Variants in DPF3 observed in about 807,000 individuals in gnomAD.
DPF3 encodes double PHD fingers 3.
A neutral mutation model predicts 56.8 loss-of-function variants in DPF3; 18 were observed. That is an observed-to-expected ratio of 0.32 (90% CI 0.22 to 0.47). The LOEUF (loss-of-function observed/expected upper bound fraction) is 0.47. DPF3 is among the 20% of genes least tolerant of loss of function. DPF3 has a pLI of 1.00. For synonymous variants in DPF3, 188 were observed against 180.2 expected (o/e 1.04, Z -0.35); for missense variants, 403 against 488.8 (o/e 0.82, Z 1.65).
At chr14:72,785,269 C>G (rs1410352002) in intron 1 of DPF3, among the ~76,000 whole-genome samples, 3 of 152,224 alleles carry the variant, frequency 2.0e-5, no homozygotes, top group African/African-American at 4.8e-5. Context: ...AGGCACTGTT[C>G]TAAGCACTTT....
chr14:72,838,816 TAA>T (rs1884415053), intron 1 of DPF3, among the ~76,000 whole-genome samples: 1 of 150,540 alleles, frequency 6.6e-6, no homozygotes. Context: ...AGCCAAAACT[TAA>T]GACACAGAAC....
At chr14:72,750,562 T>C (rs1890521421) in intron 3 of DPF3, among the ~76,000 whole-genome samples, 1 of 152,066 alleles carries the variant, frequency 6.6e-6, no homozygotes, top group Non-Finnish European at 1.5e-5. Flanking sequence ...TTGGAAAATT[T>C]AGAAACAAAA....
intron 4 of DPF3, among the ~76,000 whole-genome samples, chr14:72,724,948 C>T (rs1889335702): frequency 6.6e-6 from 1 of 152,032 alleles, no homozygotes; most frequent in African/African-American, 2.4e-5. Context: ...TCAAGTGATC[C>T]TCCCACCCCA....
chr14:72,786,788 A>T (rs1173258775), intron 1 of DPF3, among the ~76,000 whole-genome samples: 3 of 152,258 alleles, frequency 2.0e-5, no homozygotes, highest in Non-Finnish European at 1.5e-5. Context: ...AACAAGCACT[A>T]GCTCACCCTA....
intron 8 of DPF3, among the ~76,000 whole-genome samples, chr14:72,663,917 C>G (rs1156901922): frequency 6.6e-6 from 1 of 152,138 alleles, no homozygotes; most frequent in Non-Finnish European, 1.5e-5. Flanking sequence ...ATTAGATGCT[C>G]TTCCAAAGCT....
rs1226339873 is a variant in DPF3 at position 72,674,230 on chromosome 14, C to T, written c.871+10G>A. ...TACGGGCACCCGGTGTGGGAAGGGGCCACACTCACCAGAGCGTCCACAGTC... is the reference window on the plus strand; with the variant it reads ...TACGGGCACCCGGTGTGGGAAGGGGTCACACTCACCAGAGCGTCCACAGTC... On this transcript the variant is annotated intron_variant, in intron 8 of 10. Coordinates refer to ENST00000556509, the MANE Select transcript of DPF3 (RefSeq NM_001280542.3). 6.2e-7 allele frequency: 1 copy of T among 1,610,596 alleles called. No individual in the cohort carries two copies. Among genetic ancestry groups the T allele is most frequent in the Non-Finnish European group, 8.5e-7 (1 of 1,178,476 alleles).
intron 1 of DPF3, among the ~76,000 whole-genome samples, chr14:72,793,197 C>A (rs933771851): frequency 1.3e-5 from 2 of 152,188 alleles, no homozygotes; most frequent in Non-Finnish European, 2.9e-5. Flanking sequence ...TGAAGGAGAT[C>A]TGGAAAGAAA....
At chr14:72,785,543 TGAACACTTCCTTTCTTGGAGGCACTA>T (rs1431242034) in intron 1 of DPF3, among the ~76,000 whole-genome samples, 2 of 152,346 alleles carry the variant, frequency 1.3e-5, no homozygotes, top group African/African-American at 2.4e-5. Flanking sequence ...TAGAATAACC[TGAACACTTCCTTTCTTGGAGGCACTA>T]GAACACTTCC....
intron 1 of DPF3, among the ~76,000 whole-genome samples, chr14:72,819,304 A>C (rs1883426694): frequency 6.6e-6 from 1 of 152,226 alleles, no homozygotes; most frequent in Admixed American, 6.5e-5. Flanking sequence ...TTATTCTAAA[A>C]ACATGCATTT....
At position 72,661,854 on chromosome 14, in the gene DPF3, CTTTTTTTTTT is replaced by C. The variant is rs60114618; in HGVS notation, c.871+12376_871+12385del. ...ACCTCAGCTGATGCTTTTATTTTTG[CTTTTTTTTTT>C]TTTTTTTTTTTGCTGCATTATTTTA... On this transcript the variant is annotated intron_variant, in intron 8 of 10. Transcript: ENST00000556509. The C allele has an allele frequency of 1.3e-5, 12 of 925,876 alleles. No individual in the cohort carries two copies. In the African/African-American group the frequency reaches 2.4e-4, roughly 19 times the overall value. The allele number at this position is 925,876 out of a possible 1,614,324, so 57.4% of individuals were successfully genotyped here. A position where few individuals can be genotyped will look rare whatever the true frequency, so the allele number is the denominator to read the frequency against.
chr14:72,663,136 G>A (rs1419947940), intron 8 of DPF3, among the ~76,000 whole-genome samples: 1 of 133,616 alleles, frequency 7.5e-6, no homozygotes, highest in Non-Finnish European at 1.5e-5. Context: ...TCAATTCCCA[G>A]GTGGTGTAGC....
Position 72,879,898 on chromosome 14 carries a change from G to T in DPF3, c.32+14159C>A, listed in dbSNP as rs540404360. 73 of 1,524,272 alleles carry T rather than the reference G, an allele frequency of 4.8e-5. No homozygotes were observed. In the South Asian group the frequency reaches 8.9e-4, roughly 19 times the overall value. The allele number at this position is 1,524,272 out of a possible 1,614,324, so 94.4% of individuals were successfully genotyped here. On this transcript the variant is annotated intron_variant, in intron 1 of 10. Coordinates refer to ENST00000556509, the MANE Select transcript of DPF3 (RefSeq NM_001280542.3). ...TAGGCAGATGTTCACATCTATATGC[G>T]TGTTTTCCGGGGAGATGATCCACAA... is the stretch of plus-strand genomic sequence containing the variant.
At chr14:72,836,264 T>A in intron 1 of DPF3, 1 of 985,648 alleles carries the variant, frequency 1.0e-6, no homozygotes, top group African/African-American at 1.7e-5. Flanking sequence ...TATGCTTCCC[T>A]CACTCTCCCA....
intron 8 of DPF3, among the ~76,000 whole-genome samples, chr14:72,644,202 G>A (rs1243960595): frequency 6.6e-6 from 1 of 152,162 alleles, no homozygotes; most frequent in African/African-American, 2.4e-5. Flanking sequence ...CATCCTTGGA[G>A]CTCCATGGGA....
chr14:72,676,632 G>T (rs1285432970), intron 7 of DPF3, among the ~76,000 whole-genome samples: 1 of 152,182 alleles, frequency 6.6e-6, no homozygotes, highest in Non-Finnish European at 1.5e-5. Context: ...AGCAGCTCTT[G>T]TGATAGTGAA....
At position 72,610,710 on chromosome 14, in the gene DPF3, G is replaced by C. The variant is rs1883669957; in HGVS notation, c.*8587C>G. On this transcript the variant is annotated 3_prime_UTR_variant, in exon 11 of 11. Transcript: ENST00000556509. ...GTTCTCAGCCTGAGAGCGCGCTCAA[G>C]GGCAGGTGGGAGATGGAGCCTTCTC... Among the ~76,000 whole-genome samples the C allele has an allele frequency of 6.6e-6, 1 of 152,200 alleles. No individual in the cohort carries two copies. Among genetic ancestry groups the C allele is most frequent in the South Asian group, 2.1e-4 (1 of 4,832 alleles).
At chr14:72,869,663 C>T (rs1885816667) in intron 1 of DPF3, among the ~76,000 whole-genome samples, 1 of 152,052 alleles carries the variant, frequency 6.6e-6, no homozygotes, top group African/African-American at 2.4e-5. Flanking sequence ...GGCTTACCTC[C>T]TGGGGAATGT....
In DPF3 at chr14:72,610,606, T is replaced by C. The variant is rs1454008148; in HGVS notation, c.*8691A>G. Among the ~76,000 whole-genome samples the C allele has an allele frequency of 1.3e-5, 2 of 152,096 alleles. No individual in the cohort carries two copies. The highest frequency in any genetic ancestry group is 2.9e-5 in the Non-Finnish European group (2 of 68,002). On this transcript the variant is annotated 3_prime_UTR_variant, in exon 11 of 11. Coordinates refer to ENST00000556509, the MANE Select transcript of DPF3 (RefSeq NM_001280542.3). The stretch of plus-strand genomic sequence containing the variant: ...CAACGGGGAGATGACCTGGTTGAGG[T>C]CTAGTTCTGGCTTTTGTGAATCGAC...
chr14:72,684,707 C>G (rs1041139878), intron 7 of DPF3, among the ~76,000 whole-genome samples: 3 of 151,822 alleles, frequency 2.0e-5, no homozygotes, highest in African/African-American at 7.3e-5. Flanking sequence ...CTAAAACATC[C>G]CAAACAGCCT....
Sources: gnomAD v4.1 joint callset for allele counts (sites outside exome capture counted in the v4.1 genomes callset) on GRCh38, gnomAD v4.1.1 for gene constraint, MANE v1.5 for transcripts, NCBI Gene and HGNC (gene_info 2026-07-23, HGNC 2026-07-21) for gene names.